AFDN: variants seen among roughly 807,000 people sequenced by gnomAD.
The protein encoded by AFDN is afadin.
A neutral mutation model predicts 216.6 loss-of-function variants in AFDN; 68 were observed. The ratio of observed to expected loss-of-function variants is 0.31; its 90% CI spans 0.26 to 0.38. The LOEUF (loss-of-function observed/expected upper bound fraction) is 0.38, where lower values mean the gene tolerates loss of function less well. Among genes scored for constraint, AFDN ranks in the 10% least tolerant of loss-of-function variants. The pLI is 1.00. For missense variants in AFDN, 2,136 were observed against 2,342.0 expected (o/e 0.91, Z 1.82); for synonymous variants, 868 against 853.7 (o/e 1.02, Z -0.29).
At chr6:167,931,052 G>A (rs1793230575) in intron 23 of AFDN, among the ~76,000 whole-genome samples, 1 of 152,186 alleles carries the variant, frequency 6.6e-6, no homozygotes, top group African/African-American at 2.4e-5. Flanking sequence ...AGAGGACAAA[G>A]GCGTTCTGGA....
chr6:167,843,595 A>G (rs1029792919), intron 1 of AFDN, among the ~76,000 whole-genome samples: 2 of 152,270 alleles, frequency 1.3e-5, no homozygotes, highest in Non-Finnish European at 2.9e-5. Flanking sequence ...CGGTAAGGAC[A>G]TAACTGTCAT....
chr6:167,875,344 T>C lies in AFDN; in HGVS notation c.588T>C (p.Ser196=), dbSNP rs779777598. Residue 196 remains serine (S), a synonymous_variant, in exon 5 of 34, where the codon TCT becomes TCC. Transcript: ENST00000683244. ...TTTTTTTTTCTTACAGTGAAAATTC[T>C]CGACTGGCTGCTGAGGTTTACAAAG... is the stretch of plus-strand genomic sequence containing the variant. ...RPFQGEDVEN[S]RLAAEVYKDM... is the part of the protein sequence containing the mutation. 4.5e-5 allele frequency: 72 copies of C among 1,603,842 alleles called. No individual in the cohort carries two copies. The highest frequency in any genetic ancestry group is 6.1e-5 in the Non-Finnish European group (72 of 1,177,442).
At position 167,913,370 on chromosome 6, in the gene AFDN, C is replaced by T. The variant is rs752245744; in HGVS notation, c.2038-33C>T. 9 of 1,534,698 alleles carry T rather than the reference C, an allele frequency of 5.9e-6. No homozygotes were observed. In the South Asian group the frequency reaches 1.1e-4, roughly 18 times the overall value. ...TGTTTACAAGTTTCTTTCTCTCGTTCTGCTTGATTTCCCCTCGTCTGTTTT... is the reference window on the plus strand; with the variant it reads ...TGTTTACAAGTTTCTTTCTCTCGTTTTGCTTGATTTCCCCTCGTCTGTTTT... On this transcript the variant is annotated intron_variant, in intron 15 of 33. Transcript: ENST00000683244.
intron 18 of AFDN, 114 bp from the exon 19 acceptor site, chr6:167,915,054 G>T: frequency 1.8e-6 from 2 of 1,083,374 alleles, no homozygotes; most frequent in Non-Finnish European, 2.7e-6. Context: ...TATTTTTAAA[G>T]TAATTAAACG....
chr6:167,947,742 G>T, intron 27 of AFDN, 111 bp from the exon 28 acceptor site: 1 of 626,936 alleles, frequency 1.6e-6, no homozygotes, highest in African/African-American at 1.9e-5. Flanking sequence ...TCTCTGTGCT[G>T]GATACTCACT....
intron 6 of AFDN, 88 bp from the exon 7 acceptor site, chr6:167,889,127 C>A: frequency 1.3e-6 from 1 of 785,366 alleles, no homozygotes; most frequent in South Asian, 1.7e-5. Flanking sequence ...ACATTTTATT[C>A]ATTCAAAAGC....
chr6:167,836,170 C>T (rs746771021), intron 1 of AFDN, among the ~76,000 whole-genome samples: 113 of 152,276 alleles, frequency 7.4e-4, no homozygotes, highest in Admixed American at 1.1e-3. Flanking sequence ...TGAATTCACT[C>T]GGGATGTGAC....
At chr6:167,925,476 A>C (rs916141448) in intron 23 of AFDN, among the ~76,000 whole-genome samples, 2 of 151,944 alleles carry the variant, frequency 1.3e-5, no homozygotes, top group African/African-American at 4.8e-5. Flanking sequence ...GGGCCACTGG[A>C]CTCCTTTCTC....
intron 23 of AFDN, among the ~76,000 whole-genome samples, chr6:167,941,766 T>G (rs1794713763): frequency 6.8e-6 from 1 of 146,608 alleles, no homozygotes; most frequent in East Asian, 2.1e-4. Flanking sequence ...CACAGAGGGA[T>G]GTAGGGGTGA....
intron 10 of AFDN, among the ~76,000 whole-genome samples, chr6:167,897,710 G>A (rs535876082): frequency 3.4e-4 from 47 of 137,514 alleles, no homozygotes; most frequent in Admixed American, 1.3e-3. Context: ...GCTGTGGCAC[G>A]ATCTCGGCTC....
At chr6:167,932,781 G>C (rs765664106) in intron 23 of AFDN, 11 of 152,256 alleles carry the variant, frequency 7.2e-5, no homozygotes, top group Non-Finnish European at 1.3e-4. Context: ...TCAGGGGGCA[G>C]TTGCCGGTGT....
chr6:167,897,417 A>G (rs1174765870), intron 10 of AFDN, among the ~76,000 whole-genome samples: 1 of 152,172 alleles, frequency 6.6e-6, no homozygotes. Flanking sequence ...TGAAGTCAGA[A>G]TTTGTCACTT....
chr6:167,934,509 A>G (rs2340909), intron 23 of AFDN, among the ~76,000 whole-genome samples: 68,337 of 152,022 alleles, frequency 0.45, 16,042 homozygotes, highest in East Asian at 0.8. Flanking sequence ...TGAAAAACCC[A>G]GAGGAGAGCA....
At chr6:167,846,206 T>TTTATTTCATGCCATACA (rs1781659637) in intron 1 of AFDN, among the ~76,000 whole-genome samples, 2 of 151,930 alleles carry the variant, frequency 1.3e-5, no homozygotes, top group Non-Finnish European at 2.9e-5. Context: ...GCTTGGGCGG[T>TTTATTTCATGCCATACA]CTTTTTTTTC....
intron 30 of AFDN, among the ~76,000 whole-genome samples, chr6:167,953,042 CT>C (rs1178381105): frequency 1.3e-5 from 2 of 152,176 alleles, no homozygotes; most frequent in African/African-American, 4.8e-5. Flanking sequence ...GAGGCATTTA[CT>C]GCTATTAATT....
At chr6:167,963,927 G>T in intron 31 of AFDN, 1 of 1,064,662 alleles carries the variant, frequency 9.4e-7, no homozygotes, top group Non-Finnish European at 1.1e-6. Flanking sequence ...TTCCAGGTCA[G>T]TGCCAGCTTG....
At chr6:167,967,858 C>T (rs942242850) in intron 32 of AFDN, among the ~76,000 whole-genome samples, 3 of 152,162 alleles carry the variant, frequency 2.0e-5, no homozygotes, top group Admixed American at 1.3e-4. Flanking sequence ...GTTTGTGTCG[C>T]GAGCACTCTG....
At chr6:167,861,156 A>G (rs951375618) in intron 1 of AFDN, among the ~76,000 whole-genome samples, 1 of 151,852 alleles carries the variant, frequency 6.6e-6, no homozygotes, top group Non-Finnish European at 1.5e-5. Flanking sequence ...GATTTTATCC[A>G]TTTGACTAGT....
At chr6:167,878,917 C>G (rs1416578985) in intron 5 of AFDN, among the ~76,000 whole-genome samples, 1 of 152,184 alleles carries the variant, frequency 6.6e-6, no homozygotes, top group Non-Finnish European at 1.5e-5. Flanking sequence ...GTTTATTCTT[C>G]AGAGAGTTCT....
Sources: gnomAD v4.1 joint callset for allele counts (sites outside exome capture counted in the v4.1 genomes callset) on GRCh38, gnomAD v4.1.1 for gene constraint, MANE v1.5 for transcripts, NCBI Gene and HGNC (gene_info 2026-07-23, HGNC 2026-07-21) for gene names.